The following CTPS2 variants were observed in gnomAD, a reference collection of about 807,000 sequenced individuals.
CTPS2 encodes CTP synthase II.
CTPS2 carries 19 observed loss-of-function variants against 46.8 expected under a neutral mutation model. That is an observed-to-expected ratio of 0.41 (90% confidence interval 0.28 to 0.60). The LOEUF (loss-of-function observed/expected upper bound fraction) is 0.60, where lower values mean the gene tolerates loss of function less well. Ranked by LOEUF, CTPS2 falls within the 20% of genes least tolerant of loss-of-function variation. The probability of loss-of-function intolerance (pLI) is 0.35; values close to 1 mark genes in which losing one functional copy is unlikely to be tolerated. For synonymous variants in CTPS2, 151 were observed against 165.2 expected, an observed-to-expected ratio of 0.91 and a Z score of 0.66; for missense variants, 286 against 447.6, an observed-to-expected ratio of 0.64 and a Z score of 3.26.
chrX:16,673,367 A>G (rs1488585339), intron 10 of CTPS2, among the ~76,000 whole-genome samples: 2 of 111,012 alleles, frequency 1.8e-5, no homozygotes, highest in Admixed American at 2.0e-4. Context: ...GAAAAACTAG[A>G]TAAGGGTTCC....
intron 10 of CTPS2, among the ~76,000 whole-genome samples, chrX:16,674,574 C>T (rs1451619899): frequency 5.4e-5 from 6 of 110,729 alleles, no homozygotes; most frequent in Admixed American, 2.9e-4. Context: ...CATGGTGGCT[C>T]ACACCTGTAA....
At chrX:16,628,583 CTCAAAGTCCTGACCTCAAGTGAT>C (rs1439569175) in intron 14 of CTPS2, among the ~76,000 whole-genome samples, 1 of 111,195 alleles carries the variant, frequency 9.0e-6, no homozygotes, top group Admixed American at 9.6e-5. Flanking sequence ...CCAGGCTGGT[CTCAAAGTCCTGACCTCAAGTGAT>C]TCACCCACCT....
chrX:16,613,949 G>T lies in CTPS2; in HGVS notation c.1546+3201C>A, dbSNP rs184079023. Among the ~76,000 whole-genome samples the T allele has an allele frequency of 1.9e-4, 21 of 111,340 alleles. No homozygotes were observed. The East Asian group carries it at 5.7e-3, about 30-fold the overall frequency. ...TTGGGTTGTCACAACGTGGGAGGTA[G>T]GGATGATAGTGGCAGTGAGTAGAGG... On this transcript the variant is annotated intron_variant, in intron 16 of 18. Coordinates refer to ENST00000359276, the MANE Select transcript of CTPS2 (RefSeq NM_175859.3).
rs1928785520 is a variant in CTPS2, at chrX:16,589,571, A to C, written c.*246T>G. ...CAGTGAGGTTGTTGGGAAAAATTTA[A>C]TCAGCTACAGATATTTTAAGTACCA... On this transcript the variant is annotated 3_prime_UTR_variant, in exon 19 of 19. Transcript: ENST00000359276. The C allele has an allele frequency of 8.9e-6, 1 of 112,064 alleles. No individual in the cohort carries two copies. Among genetic ancestry groups the C allele is most frequent in the African/African-American group, 3.2e-5 (1 of 30,861 alleles). 9.2% of individuals were successfully genotyped at this position (112,064 alleles called of 1,213,427 possible). A position where few individuals can be genotyped will look rare whatever the true frequency, so the allele number is the denominator to read the frequency against.
chrX:16,654,754 A>AG (rs1932776590), intron 13 of CTPS2: 4 of 169,625 alleles, frequency 2.4e-5, no homozygotes, highest in East Asian at 1.1e-4. Flanking sequence ...TAGATTTAAA[A>AG]AAGAGAGAGA....
chrX:16,694,306 C>T (rs1010248953), intron 4 of CTPS2, among the ~76,000 whole-genome samples: 6 of 111,648 alleles, frequency 5.4e-5, no homozygotes, highest in Admixed American at 1.9e-4. Flanking sequence ...CATGCTCTTC[C>T]TTCCTGCTCC....
intron 13 of CTPS2, among the ~76,000 whole-genome samples, chrX:16,657,209 TA>T (rs1363460476): frequency 9.6e-6 from 1 of 104,434 alleles, no homozygotes; most frequent in Non-Finnish European, 2.0e-5. Context: ...TTTTTTTTTT[TA>T]ATCTAATGAA....
chrX:16,689,628 C>G lies in CTPS2; in HGVS notation c.721-27G>C, dbSNP rs183776884. 929 of 1,172,964 alleles carry G rather than the reference C, an allele frequency of 7.9e-4. 2 individuals are homozygous for G. Among genetic ancestry groups the G allele is most frequent in the Non-Finnish European group, 1.0e-3 (873 of 871,097 alleles). ...TAAGTGGCGATGAGAAATCACCATA[C>G]TTAGATGGATCTATTCAAATATGCC... On this transcript the variant is annotated intron_variant, in intron 7 of 18. Transcript: ENST00000359276.
intron 13 of CTPS2, among the ~76,000 whole-genome samples, chrX:16,663,995 C>T (rs749851374): frequency 1.8e-4 from 20 of 110,557 alleles, no homozygotes; most frequent in South Asian, 7.7e-4. Context: ...GCCACCACGC[C>T]CAGCTAATTT....
chrX:16,674,613 C>T (rs190454071), intron 10 of CTPS2, among the ~76,000 whole-genome samples: 3,118 of 107,352 alleles, frequency 0.029, 136 homozygotes, highest in African/African-American at 0.1. Flanking sequence ...CCAAGGTGGG[C>T]AGATCACGAG....
intron 16 of CTPS2, among the ~76,000 whole-genome samples, chrX:16,611,737 C>T (rs890803399): frequency 1.8e-5 from 2 of 110,959 alleles, no homozygotes; most frequent in African/African-American, 3.3e-5. Flanking sequence ...TTCTATAGGA[C>T]AGCTCTGATC....
intron 8 of CTPS2, among the ~76,000 whole-genome samples, chrX:16,686,710 G>A (rs1479600009): frequency 2.7e-5 from 3 of 111,472 alleles, no homozygotes; most frequent in African/African-American, 9.8e-5. Flanking sequence ...TTGAGACCAG[G>A]CTGGGCAACA....
intron 13 of CTPS2, among the ~76,000 whole-genome samples, chrX:16,655,436 G>T (rs951666276): frequency 8.9e-6 from 1 of 111,921 alleles, no homozygotes; most frequent in African/African-American, 3.2e-5. Context: ...GGATGCAGGG[G>T]GTGAAGTGAC....
At chrX:16,640,733 G>A (rs1303632266) in intron 13 of CTPS2, among the ~76,000 whole-genome samples, 2 of 111,635 alleles carry the variant, frequency 1.8e-5, no homozygotes, top group African/African-American at 6.5e-5. Context: ...CTGTTCTAAT[G>A]GAATTGCTTG....
chrX:16,638,480 A>G (rs1221270318), intron 14 of CTPS2: 1 of 130,667 alleles, frequency 7.7e-6, no homozygotes, highest in Non-Finnish European at 1.5e-5. Flanking sequence ...TGCACATGGC[A>G]CAGAGTGGGC....
rs185320733 is a variant in CTPS2 at position 16,674,800 on chromosome X, T to C, written c.1094+3562A>G. On this transcript the variant is annotated intron_variant, in intron 10 of 18. Coordinates refer to ENST00000359276, the MANE Select transcript of CTPS2 (RefSeq NM_175859.3). ...TTGCAGTGAGCAGAGATTGCGCCAC[T>C]GCACTCCAGCCTGGGCAACAAGGCG... Among the ~76,000 whole-genome samples, 540 of 104,136 alleles carry C rather than the reference T, an allele frequency of 5.2e-3. 5 individuals carry two copies. Among genetic ancestry groups the C allele is most frequent in the African/African-American group, 0.018 (507 of 27,951 alleles). 90.4% of individuals were successfully genotyped at this position (104,136 alleles called of 115,157 possible).
chrX:16,610,387 T>C (rs769255431), intron 16 of CTPS2, among the ~76,000 whole-genome samples: 6 of 111,150 alleles, frequency 5.4e-5, no homozygotes, highest in Admixed American at 2.0e-4. Flanking sequence ...TAAAATCTAG[T>C]ATGGAATTCA....
chrX:16,599,009 C>A (rs1036186548), intron 17 of CTPS2, among the ~76,000 whole-genome samples: 8 of 111,935 alleles, frequency 7.1e-5, no homozygotes, highest in Non-Finnish European at 1.5e-4. Context: ...AATTCAACAA[C>A]CCTTCATGCT....
Position 16,706,936 on chromosome X carries a change from G to A in CTPS2, c.-39-3995C>T, listed in dbSNP as rs183115532. Among the ~76,000 whole-genome samples, 427 of 108,480 alleles carry A rather than the reference G, an allele frequency of 3.9e-3. 2 individuals carry two copies. The highest frequency in any genetic ancestry group is 0.014 in the African/African-American group (406 of 29,820). 94.2% of individuals were successfully genotyped at this position (108,480 alleles called of 115,157 possible). A position where few individuals can be genotyped will look rare whatever the true frequency, so the allele number is the denominator to read the frequency against. ...TATGCGCCTGTAATCCCAGCTACTC[G>A]GGAGGCTGAGGCAGGAGAATCACTT... On this transcript the variant is annotated intron_variant, in intron 1 of 18. Coordinates refer to ENST00000359276, the MANE Select transcript of CTPS2 (RefSeq NM_175859.3).
Sources: allele counts gnomAD v4.1 joint callset (sites outside exome capture counted in the v4.1 genomes callset), GRCh38; gene constraint gnomAD v4.1.1; transcripts MANE v1.5; gene names NCBI Gene and HGNC (gene_info 2026-07-23, HGNC 2026-07-21).